The following DYNC1H1 variants were observed in gnomAD, a reference collection of about 807,000 sequenced individuals.
DYNC1H1 encodes the protein cytoplasmic dynein 1 heavy chain 1.
Under a neutral mutation model 527.1 loss-of-function variants are expected in DYNC1H1, and 51 were observed. The observed-to-expected ratio is 0.10, with a 90% CI of 0.08 to 0.12. The LOEUF (loss-of-function observed/expected upper bound fraction) is 0.12, where lower values mean the gene tolerates loss of function less well. Ranked by LOEUF, DYNC1H1 falls within the 10% of genes least tolerant of loss-of-function variation. The pLI is 1.00. For synonymous variants in DYNC1H1, 2,189 were observed against 2,278.8 expected (o/e 0.96, Z 1.12); for missense variants, 2,771 against 5,971.8 (o/e 0.46, Z 17.66).
chr14:102,048,228 C>T (rs954036513), intron 73 of DYNC1H1, 200 bp downstream of exon 73: 18 of 761,166 alleles, frequency 2.4e-5, no homozygotes, highest in Admixed American at 1.6e-4. Flanking sequence ...CTGAAAACAC[C>T]CTAGAAGATT....
chr14:102,007,722 G>GTT (rs1348901725), intron 28 of DYNC1H1, among the ~76,000 whole-genome samples: 2 of 152,188 alleles, frequency 1.3e-5, no homozygotes, highest in Non-Finnish European at 1.5e-5. Context: ...TTTGAGCCCC[G>GTT]TGAAGCCAGC....
chr14:102,029,615 A>G lies in DYNC1H1; in HGVS notation c.9545A>G (p.His3182Arg). The change falls in exon 49 of 78, where the codon CAC (histidine) becomes CGC (arginine). Residue 3182 changes from histidine to arginine, a missense_variant. Around this residue, in one of 32 missense-constraint regions of DYNC1H1, gnomAD observed 67 missense variants for 128.2 expected, o/e 0.52. Coordinates refer to ENST00000360184, the MANE Select transcript of DYNC1H1 (RefSeq NM_001376.5). This position sits in a 1 kb window ranked among gnomAD's most constrained non-coding sequence, Gnocchi z 5.3. ...CGCCACTACCTGGACTTCATCAATC[A>G]CTATGCCAACCTGTTCCACGAGAAG... ...TPRHYLDFIN[H>R]YANLFHEKRS... 2 of 1,614,206 alleles carry G rather than the reference A, an allele frequency of 1.2e-6. No individual in the cohort carries two copies. Among genetic ancestry groups the G allele is most frequent in the Non-Finnish European group, 1.7e-6 (2 of 1,180,042 alleles).
intron 24 of DYNC1H1, 27 bp downstream of exon 24, chr14:102,004,710 A>C: frequency 6.2e-7 from 1 of 1,614,056 alleles, no homozygotes; most frequent in Non-Finnish European, 8.5e-7. Context: ...AACTTTTAAA[A>C]CTTCTCTCAC....
chr14:102,021,292 G>A (rs1373394300), intron 42 of DYNC1H1, among the ~76,000 whole-genome samples: 2 of 152,138 alleles, frequency 1.3e-5, no homozygotes, highest in Non-Finnish European at 2.9e-5. Flanking sequence ...CAGGAAGATC[G>A]ATTGAGCCTG....
At chr14:102,019,858 T>C (rs2048365587) in intron 41 of DYNC1H1, 35 bp from the exon 42 acceptor site, 1 of 1,613,674 alleles carries the variant, frequency 6.2e-7, no homozygotes, top group Non-Finnish European at 8.5e-7. Context: ...TCTTAAGATA[T>C]TTACGTGTAC....
intron 1 of DYNC1H1, among the ~76,000 whole-genome samples, chr14:101,966,848 G>T (rs563883323): frequency 6.6e-5 from 10 of 152,250 alleles, no homozygotes; most frequent in Non-Finnish European, 1.3e-4. Flanking sequence ...CTATGTTTAT[G>T]TAGTACAATA....
At position 102,036,328 on chromosome 14, in the gene DYNC1H1, T is replaced by G; in HGVS notation, c.10755-161T>G. 1.2e-6 allele frequency: 1 copy of G among 824,430 alleles called. No individual in the cohort carries two copies. The highest frequency in any genetic ancestry group is 1.9e-5 in the Admixed American group (1 of 52,450). 51.1% of individuals were successfully genotyped at this position (824,430 alleles called of 1,614,324 possible). ...GATGAGGTGATGTTAGCATTAAGCATGTAAGCTTTATTGGTAAACCTGAAA... is the reference window on the plus strand; with the variant it reads ...GATGAGGTGATGTTAGCATTAAGCAGGTAAGCTTTATTGGTAAACCTGAAA... On this transcript the variant is annotated intron_variant, in intron 56 of 77. Coordinates refer to ENST00000360184, the MANE Select transcript of DYNC1H1 (RefSeq NM_001376.5). The surrounding 1 kb of genome is among the most constrained non-coding windows in gnomAD (Gnocchi z 5.6).
At position 102,006,178 on chromosome 14, in the gene DYNC1H1, C is replaced by G. The variant is rs776909485; in HGVS notation, c.5716+8C>G. On this transcript the variant is annotated splice_region_variant and intron_variant, in intron 27 of 77. Coordinates refer to ENST00000360184, the MANE Select transcript of DYNC1H1 (RefSeq NM_001376.5). Reference sequence around the variant, plus strand: ...TGGGGGGTTCCCCATTTGGTAAGTTCTTCCACAGATCTGGACAGATGGAAT... The same window carrying G: ...TGGGGGGTTCCCCATTTGGTAAGTTGTTCCACAGATCTGGACAGATGGAAT... 1 of 1,613,094 alleles carries G rather than the reference C, an allele frequency of 6.2e-7. No individual in the cohort carries two copies. The highest frequency in any genetic ancestry group is 1.7e-5 in the Admixed American group (1 of 60,024).
At chr14:101,968,594 T>A (rs143354159) in intron 1 of DYNC1H1, among the ~76,000 whole-genome samples, 2 of 152,242 alleles carry the variant, frequency 1.3e-5, no homozygotes, top group African/African-American at 4.8e-5. Context: ...AGACAGGGTC[T>A]CACTGTTGTC....
In DYNC1H1 at chr14:102,055,945, G is replaced by A. The variant is rs1312726198; in HGVS notation, c.*5382G>A. The A allele has an allele frequency of 6.6e-6, 1 of 152,258 alleles. No homozygotes were observed. Among genetic ancestry groups the A allele is most frequent in the African/African-American group, 2.4e-5 (1 of 41,444 alleles). The allele number at this position is 152,258 out of a possible 1,614,324, so 9.4% of individuals were successfully genotyped here. A position where few individuals can be genotyped will look rare whatever the true frequency, so the allele number is the denominator to read the frequency against. On this transcript the variant is annotated 3_prime_UTR_variant, in exon 78 of 78. Coordinates refer to ENST00000360184, the MANE Select transcript of DYNC1H1 (RefSeq NM_001376.5). ...TGTGAACTCCGAAAATCTGAGACAG[G>A]TCTCAGTTAATTTAGAAAAGATATT...
Position 101,983,672 on chromosome 14 carries a change from G to A in DYNC1H1, c.1461+63G>A. 1.5e-6 allele frequency: 2 copies of A among 1,334,938 alleles called. No homozygotes were observed. The highest frequency in any genetic ancestry group is 2.0e-6 in the Non-Finnish European group (2 of 985,048). 82.7% of individuals were successfully genotyped at this position (1,334,938 alleles called of 1,614,324 possible). A position where few individuals can be genotyped will look rare whatever the true frequency, so the allele number is the denominator to read the frequency against. ...GTTTTTGTTTTGTTTTTTGTTTGGT[G>A]TTTTTTTTTTGTTGTTGTTGTTGAG... On this transcript the variant is annotated intron_variant, in intron 7 of 77. Coordinates refer to ENST00000360184, the MANE Select transcript of DYNC1H1 (RefSeq NM_001376.5). This position sits in a 1 kb window ranked among gnomAD's most constrained non-coding sequence, Gnocchi z 5.3.
chr14:102,044,777 A>T lies in DYNC1H1; in HGVS notation c.13006+79A>T, dbSNP rs1257128148. On this transcript the variant is annotated intron_variant, in intron 72 of 77. Transcript: ENST00000360184. The surrounding 1 kb of genome is among the most constrained non-coding windows in gnomAD (Gnocchi z 7.1). ...CGCGGGGTGGGTGGCGAGGGTCCCC[A>T]CACGCAGGGTGAGTGTGCACTGCTG... 9 of 1,508,342 alleles carry T rather than the reference A, an allele frequency of 6.0e-6. No individual in the cohort carries two copies. The highest frequency in any genetic ancestry group is 2.4e-4 in the Middle Eastern group (1 of 4,254). 93.4% of individuals were successfully genotyped at this position (1,508,342 alleles called of 1,614,324 possible). A position where few individuals can be genotyped will look rare whatever the true frequency, so the allele number is the denominator to read the frequency against.
intron 43 of DYNC1H1, among the ~76,000 whole-genome samples, chr14:102,024,932 G>A (rs1307888613): frequency 6.6e-6 from 1 of 151,612 alleles, no homozygotes; most frequent in Non-Finnish European, 1.5e-5. Context: ...CTGACCTCGT[G>A]ATCAGCCCAT....
intron 7 of DYNC1H1, among the ~76,000 whole-genome samples, chr14:101,984,478 T>C (rs1288457617): frequency 8.4e-6 from 1 of 118,756 alleles, no homozygotes; most frequent in Non-Finnish European, 1.7e-5. Flanking sequence ...TTTTTGAGAC[T>C]GAGTCTCAGT....
chr14:101,976,235 A>G (rs1421031350), intron 2 of DYNC1H1, among the ~76,000 whole-genome samples: 7 of 151,032 alleles, frequency 4.6e-5, no homozygotes, highest in African/African-American at 1.7e-4. Flanking sequence ...TAATTGACTC[A>G]GACAAACACA....
rs2048745628 is a variant in DYNC1H1 at position 102,047,717 on chromosome 14, C to G, written c.13007-100C>G. 3.5e-6 allele frequency: 5 copies of G among 1,442,792 alleles called. 1 individual carries two copies. Among genetic ancestry groups the G allele is most frequent in the East Asian group, 2.3e-5 (1 of 43,384 alleles). 89.4% of individuals were successfully genotyped at this position (1,442,792 alleles called of 1,614,324 possible). On this transcript the variant is annotated intron_variant, in intron 72 of 77. Transcript: ENST00000360184. ...TTTGCTGCAGTTCCCAGTGTGGACT[C>G]ACTCACCATGTGGCCTTTACGTTCA...
chr14:101,980,596 C>T (rs774518831), intron 5 of DYNC1H1, 46 bp downstream of exon 5: 6 of 1,593,306 alleles, frequency 3.8e-6, no homozygotes, highest in Non-Finnish European at 5.2e-6. Flanking sequence ...ATTGATCTGG[C>T]TTTTACGAGA....
At chr14:102,004,418 G>C in intron 23 of DYNC1H1, 100 bp from the exon 24 acceptor site, 1 of 1,376,032 alleles carries the variant, frequency 7.3e-7, no homozygotes, top group Admixed American at 2.4e-5. Flanking sequence ...GCCACCACCA[G>C]ACACATGTTC....
chr14:102,026,720 G>C lies in DYNC1H1; in HGVS notation c.8771+13G>C. On this transcript the variant is annotated intron_variant, in intron 44 of 77. Transcript: ENST00000360184. ...TGAGGATTGACAGGTGGGCTTTTTTGTTGTTACAGCCCCACCTCTCGCCTA... is the reference window on the plus strand; with the variant it reads ...TGAGGATTGACAGGTGGGCTTTTTTCTTGTTACAGCCCCACCTCTCGCCTA... 6.2e-7 allele frequency: 1 copy of C among 1,613,274 alleles called. No homozygotes were observed. The highest frequency in any genetic ancestry group is 8.5e-7 in the Non-Finnish European group (1 of 1,179,680).
Sources: allele counts gnomAD v4.1 joint callset (sites outside exome capture counted in the v4.1 genomes callset), GRCh38; gene constraint gnomAD v4.1.1; regional missense constraint gnomAD v4.1.1; non-coding constraint Gnocchi (gnomAD v3.1); transcripts MANE v1.5; gene names NCBI Gene and HGNC (gene_info 2026-07-23, HGNC 2026-07-21).